The following IKZF1 variants were observed in gnomAD, a reference collection of about 807,000 sequenced individuals.
IKZF1 encodes the protein IKAROS family zinc finger 1.
A neutral mutation model predicts 51.7 loss-of-function variants in IKZF1; 10 were observed. The ratio of observed to expected loss-of-function variants is 0.19; its 90% CI spans 0.12 to 0.33. IKZF1 has a LOEUF of 0.33. IKZF1 is among the 10% of genes least tolerant of loss of function. The pLI is 1.00. For synonymous variants in IKZF1, 280 were observed against 282.3 expected (o/e 0.99, Z 0.08); for missense variants, 484 against 707.5 (o/e 0.68, Z 3.58).
At chr7:50,306,892 ACT>A (rs892366383) in intron 1 of IKZF1, among the ~76,000 whole-genome samples, 3 of 152,178 alleles carry the variant, frequency 2.0e-5, no homozygotes, top group African/African-American at 4.8e-5. Context: ...ATAGGAAAGA[ACT>A]CTCTATATAT....
intron 7 of IKZF1, chr7:50,393,935 A>G: frequency 4.3e-6 from 1 of 232,318 alleles, no homozygotes; most frequent in Non-Finnish European, 8.5e-6. Context: ...GCTTTGGTGA[A>G]TGAACGTTTG....
At chr7:50,311,406 G>A (rs1005445666) in intron 1 of IKZF1, among the ~76,000 whole-genome samples, 4 of 152,170 alleles carry the variant, frequency 2.6e-5, no homozygotes, top group African/African-American at 9.7e-5. Flanking sequence ...GGTAGATACT[G>A]TATCTAAATA....
At chr7:50,361,534 C>T (rs536397509) in intron 3 of IKZF1, among the ~76,000 whole-genome samples, 1 of 152,264 alleles carries the variant, frequency 6.6e-6, no homozygotes, top group South Asian at 2.1e-4. Context: ...AGGAAATGCT[C>T]CAACCTCAGG....
At chr7:50,337,081 G>A (rs1233971487) in intron 3 of IKZF1, among the ~76,000 whole-genome samples, 1 of 152,076 alleles carries the variant, frequency 6.6e-6, no homozygotes, top group Non-Finnish European at 1.5e-5. Context: ...AAGCGGCTCG[G>A]TAGGATTGGG....
intron 3 of IKZF1, among the ~76,000 whole-genome samples, chr7:50,334,908 G>A (rs1797283401): frequency 6.6e-6 from 1 of 151,052 alleles, no homozygotes; most frequent in Non-Finnish European, 1.5e-5. Context: ...TGTATGGGAT[G>A]TGTGGTGTAT....
intron 1 of IKZF1, among the ~76,000 whole-genome samples, chr7:50,311,635 C>T (rs1016806679): frequency 2.0e-5 from 3 of 152,172 alleles, no homozygotes; most frequent in African/African-American, 7.2e-5. Flanking sequence ...AGTCAAATGG[C>T]TTTGCAGAAA....
Position 50,360,451 on chromosome 7 carries a change from C to T in IKZF1, c.161-16082C>T, listed in dbSNP as rs1026529037. 5.3e-5 allele frequency among the ~76,000 whole-genome samples: 8 copies of T among 152,322 alleles called. No homozygotes were observed. In the East Asian group the frequency reaches 1.5e-3, roughly 29 times the overall value. ...TTGAAGTCAGAAGTGATATGTCCTA[C>T]ACCTCAAGAACGTGTGAAATGCACA... On this transcript the variant is annotated intron_variant, in intron 3 of 7. Transcript: ENST00000331340.
chr7:50,319,781 G>A (rs376875266), intron 2 of IKZF1, among the ~76,000 whole-genome samples: 1 of 152,188 alleles, frequency 6.6e-6, no homozygotes, highest in African/African-American at 2.4e-5. Context: ...GGGGTTTTCG[G>A]TATTTCATAT....
At chr7:50,372,041 T>C (rs965770459) in intron 3 of IKZF1, among the ~76,000 whole-genome samples, 1 of 152,236 alleles carries the variant, frequency 6.6e-6, no homozygotes, top group African/African-American at 2.4e-5. Flanking sequence ...TTATGACTAA[T>C]AGATTTCAGA....
chr7:50,355,288 T>C (rs1207729110), intron 3 of IKZF1, among the ~76,000 whole-genome samples: 1 of 152,198 alleles, frequency 6.6e-6, no homozygotes, highest in South Asian at 2.1e-4. Flanking sequence ...TGGTCCTGGG[T>C]GCACTCGGAT....
chr7:50,321,323 T>G (rs1294372799), intron 2 of IKZF1, among the ~76,000 whole-genome samples: 2 of 152,256 alleles, frequency 1.3e-5, no homozygotes, highest in African/African-American at 4.8e-5. Flanking sequence ...AAAAAGCAGT[T>G]TAGCTCTTTA....
intron 2 of IKZF1, among the ~76,000 whole-genome samples, chr7:50,323,931 A>G (rs1317511060): frequency 6.6e-6 from 1 of 152,204 alleles, no homozygotes; most frequent in East Asian, 1.9e-4. Context: ...TGAGGAAAGG[A>G]GTCTTAAAAA....
chr7:50,314,203 C>T (rs919191278), intron 1 of IKZF1, among the ~76,000 whole-genome samples: 5 of 152,142 alleles, frequency 3.3e-5, no homozygotes, highest in South Asian at 2.1e-4. Flanking sequence ...CTCCACCTTC[C>T]GGGTTCATGC....
intron 6 of IKZF1, 107 bp from the exon 7 acceptor site, chr7:50,391,622 G>T: frequency 6.8e-7 from 1 of 1,471,574 alleles, no homozygotes; most frequent in Non-Finnish European, 9.1e-7. Context: ...CTCTAGGAAG[G>T]GCCTGGCTCT....
At chr7:50,390,361 T>G (rs1814709886) in intron 6 of IKZF1, among the ~76,000 whole-genome samples, 2 of 152,258 alleles carry the variant, frequency 1.3e-5, no homozygotes, top group South Asian at 4.1e-4. Context: ...TAATTGGGTT[T>G]TATGGATTTA....
chr7:50,369,423 TA>T (rs1486542097), intron 3 of IKZF1: 1 of 398,256 alleles, frequency 2.5e-6, no homozygotes. Flanking sequence ...ACAGTTTTTA[TA>T]AAAGAGATGA....
chr7:50,362,692 G>A lies in IKZF1; in HGVS notation c.161-13841G>A, dbSNP rs146835112. Among the ~76,000 whole-genome samples the A allele has an allele frequency of 1.9e-3, 293 of 152,270 alleles. 1 individual carries two copies. The highest frequency in any genetic ancestry group is 6.8e-3 in the African/African-American group (284 of 41,546). ...TGAGAAGTTTATTCATTGCTCACCAGTTGTAGGGAGATTTTGACACAGGAC... is the reference window on the plus strand; with the variant it reads ...TGAGAAGTTTATTCATTGCTCACCAATTGTAGGGAGATTTTGACACAGGAC... On this transcript the variant is annotated intron_variant, in intron 3 of 7. Transcript: ENST00000331340.
At chr7:50,336,633 G>T (rs1175197856) in intron 3 of IKZF1, among the ~76,000 whole-genome samples, 1 of 152,348 alleles carries the variant, frequency 6.6e-6, no homozygotes, top group Non-Finnish European at 1.5e-5. Flanking sequence ...AGAGGGCAGA[G>T]AAGGGCATCT....
At chr7:50,314,136 C>A (rs920665314) in intron 1 of IKZF1, among the ~76,000 whole-genome samples, 1 of 151,540 alleles carries the variant, frequency 6.6e-6, no homozygotes, top group African/African-American at 2.4e-5. Context: ...TCTTTTTTTT[C>A]ATCTCGCTCT....
Sources: allele counts gnomAD v4.1 joint callset (sites outside exome capture counted in the v4.1 genomes callset), GRCh38; gene constraint gnomAD v4.1.1; transcripts MANE v1.5; gene names NCBI Gene and HGNC (gene_info 2026-07-23, HGNC 2026-07-21).